The following ADGRB3 variants were observed in gnomAD, a reference collection of about 807,000 sequenced individuals.
ADGRB3 encodes the protein brain-specific angiogenesis inhibitor 3.
ADGRB3 carries 37 observed loss-of-function variants against 193.4 expected under a neutral mutation model. That is an observed-to-expected ratio of 0.19 (90% CI 0.15 to 0.25). The LOEUF is 0.25. ADGRB3 is among the 10% of genes least tolerant of loss of function. ADGRB3 has a pLI of 1.00. For missense variants in ADGRB3, 1,637 were observed against 1,852.9 expected (o/e 0.88, Z 2.14); for synonymous variants, 690 against 644.2 (o/e 1.07, Z -1.08).
At chr6:69,195,305 G>T (rs1765272541) in intron 17 of ADGRB3, among the ~76,000 whole-genome samples, 1 of 151,962 alleles carries the variant, frequency 6.6e-6, no homozygotes, top group Admixed American at 6.6e-5. Context: ...CAAGGTGAGA[G>T]GATCACTTAA....
At chr6:68,948,236 T>C (rs890256648) in intron 6 of ADGRB3, among the ~76,000 whole-genome samples, 1 of 152,168 alleles carries the variant, frequency 6.6e-6, no homozygotes, top group Non-Finnish European at 1.5e-5. Flanking sequence ...CATCGTATGC[T>C]ACTGATGTTT....
intron 16 of ADGRB3, among the ~76,000 whole-genome samples, chr6:69,066,054 G>T (rs929099587): frequency 6.6e-6 from 1 of 151,740 alleles, no homozygotes; most frequent in Non-Finnish European, 1.5e-5. Flanking sequence ...AGATACTTGA[G>T]CATCCATGGA....
chr6:69,338,399 A>G (rs1436412424), intron 24 of ADGRB3, among the ~76,000 whole-genome samples: 2 of 152,206 alleles, frequency 1.3e-5, no homozygotes, highest in Non-Finnish European at 2.9e-5. Context: ...CAAAATATGA[A>G]TCTGTTGAGA....
At chr6:68,904,053 AG>A (rs1275356312) in intron 3 of ADGRB3, among the ~76,000 whole-genome samples, 168 of 95,348 alleles carry the variant, frequency 1.8e-3, no homozygotes, top group Non-Finnish European at 3.4e-3. Flanking sequence ...GAAGGAGGGA[AG>A]GAGGGAAGGA....
At chr6:68,956,335 G>T in intron 7 of ADGRB3, 147 bp downstream of exon 7, 1 of 912,078 alleles carries the variant, frequency 1.1e-6, no homozygotes, top group Non-Finnish European at 1.6e-6. Flanking sequence ...GTGTATACAT[G>T]TATTTATTAA....
intron 17 of ADGRB3, among the ~76,000 whole-genome samples, chr6:69,129,544 G>C (rs771635444): frequency 4.6e-5 from 7 of 152,118 alleles, no homozygotes; most frequent in Non-Finnish European, 1.0e-4. Flanking sequence ...AGAAAACATT[G>C]ACTTTCTTAA....
chr6:69,295,771 T>C (rs960150484), intron 20 of ADGRB3, among the ~76,000 whole-genome samples: 5 of 152,166 alleles, frequency 3.3e-5, no homozygotes, highest in African/African-American at 1.2e-4. Context: ...TGAACCATTC[T>C]TAATGGAGTC....
intron 20 of ADGRB3, among the ~76,000 whole-genome samples, chr6:69,280,390 C>A (rs1767409658): frequency 6.6e-6 from 1 of 152,246 alleles, no homozygotes; most frequent in African/African-American, 2.4e-5. Flanking sequence ...TCCTGAGAGG[C>A]AGTATTATAT....
intron 3 of ADGRB3, among the ~76,000 whole-genome samples, chr6:68,895,434 A>G (rs1562075582): frequency 6.6e-6 from 1 of 152,012 alleles, no homozygotes; most frequent in Non-Finnish European, 1.5e-5. Context: ...GCCATACACC[A>G]AGAGGGTGGA....
intron 3 of ADGRB3, among the ~76,000 whole-genome samples, chr6:68,908,494 G>A (rs909988241): frequency 6.6e-6 from 1 of 151,994 alleles, no homozygotes; most frequent in Non-Finnish European, 1.5e-5. Context: ...TCTCAAAAGT[G>A]GGCTTTCTCC....
rs1008013075 is a variant in ADGRB3 at position 69,320,376 on chromosome 6, A to G, written c.2815-4496A>G. Among the ~76,000 whole-genome samples, 3 of 151,348 alleles carry G rather than the reference A, an allele frequency of 2.0e-5. No homozygotes were observed. In the South Asian group the frequency reaches 6.2e-4, roughly 31 times the overall value. On this transcript the variant is annotated intron_variant, in intron 20 of 31. Coordinates refer to ENST00000370598, the MANE Select transcript of ADGRB3 (RefSeq NM_001704.3). ...TTTATTTATTTTTAACTATTATTTTAAGTTCCGGGGGTACATGTGCAGCTT... is the reference window on the plus strand; with the variant it reads ...TTTATTTATTTTTAACTATTATTTTGAGTTCCGGGGGTACATGTGCAGCTT...
intron 20 of ADGRB3, among the ~76,000 whole-genome samples, chr6:69,271,425 G>T (rs962143776): frequency 6.6e-6 from 1 of 152,098 alleles, no homozygotes; most frequent in Admixed American, 6.6e-5. Context: ...CATAAATGAA[G>T]TATTAAGATT....
At chr6:68,850,872 A>C (rs940192422) in intron 3 of ADGRB3, among the ~76,000 whole-genome samples, 1 of 152,034 alleles carries the variant, frequency 6.6e-6, no homozygotes, top group African/African-American at 2.4e-5. Flanking sequence ...ATATTGTTAC[A>C]TAATGGTGGA....
At chr6:69,370,424 A>G (rs1263277265) in intron 29 of ADGRB3, among the ~76,000 whole-genome samples, 2 of 152,042 alleles carry the variant, frequency 1.3e-5, no homozygotes, top group African/African-American at 4.8e-5. Context: ...TCCCACCACC[A>G]TCTTTAGGTT....
intron 3 of ADGRB3, among the ~76,000 whole-genome samples, chr6:68,835,347 C>G (rs963400258): frequency 6.6e-6 from 1 of 151,792 alleles, no homozygotes; most frequent in Non-Finnish European, 1.5e-5. Flanking sequence ...AGTTGATCGT[C>G]TTCTTTTTGT....
chr6:68,958,114 T>C (rs1768129700), intron 8 of ADGRB3, among the ~76,000 whole-genome samples: 1 of 151,890 alleles, frequency 6.6e-6, no homozygotes, highest in Non-Finnish European at 1.5e-5. Context: ...GGAAGGAGAA[T>C]AGCTTGAACC....
intron 3 of ADGRB3, among the ~76,000 whole-genome samples, chr6:68,785,327 C>T (rs1191578630): frequency 5.0e-5 from 6 of 119,688 alleles, no homozygotes. Context: ...CCACAACAGT[C>T]CCTGGTGTGT....
At chr6:69,253,960 A>G (rs943692631) in intron 20 of ADGRB3, among the ~76,000 whole-genome samples, 2 of 152,168 alleles carry the variant, frequency 1.3e-5, no homozygotes, top group African/African-American at 4.8e-5. Flanking sequence ...GAATATTTGT[A>G]GAAAGTTAAG....
At chr6:69,200,474 G>T (rs1001113308) in intron 17 of ADGRB3, among the ~76,000 whole-genome samples, 1 of 152,030 alleles carries the variant, frequency 6.6e-6, no homozygotes, top group African/African-American at 2.4e-5. Flanking sequence ...AGGAGCAAAG[G>T]CCTGAGAACA....
Sources: gnomAD v4.1 joint callset for allele counts (sites outside exome capture counted in the v4.1 genomes callset) on GRCh38, gnomAD v4.1.1 for gene constraint, MANE v1.5 for transcripts, NCBI Gene and HGNC (gene_info 2026-07-23, HGNC 2026-07-21) for gene names.